TGFBRAP1: variants seen among roughly 807,000 people sequenced by gnomAD.
TGFBRAP1 encodes the protein transforming growth factor-beta receptor-associated protein 1.
A neutral mutation model predicts 83.2 loss-of-function variants in TGFBRAP1; 20 were observed. The ratio of observed to expected loss-of-function variants is 0.24; its 90% CI spans 0.17 to 0.35. The LOEUF (loss-of-function observed/expected upper bound fraction) is 0.35, where lower values mean the gene tolerates loss of function less well. Ranked by LOEUF, TGFBRAP1 falls within the 10% of genes least tolerant of loss-of-function variation. TGFBRAP1 has a pLI of 1.00. For synonymous variants in TGFBRAP1, 415 were observed against 459.8 expected, an observed-to-expected ratio of 0.90 and a Z score of 1.25; for missense variants, 950 against 1,099.4, an observed-to-expected ratio of 0.86 and a Z score of 1.92.
At chr2:105,276,395 A>C (rs1021953725) in intron 7 of TGFBRAP1, among the ~76,000 whole-genome samples, 1 of 151,978 alleles carries the variant, frequency 6.6e-6, no homozygotes, top group Non-Finnish European at 1.5e-5. Flanking sequence ...TGCCTCACCC[A>C]CCCATACACA....
rs1252616604 is a variant in TGFBRAP1, at chr2:105,264,794, A to G, written c.*2589T>C. On this transcript the variant is annotated 3_prime_UTR_variant, in exon 12 of 12. Coordinates refer to ENST00000393359, the MANE Select transcript of TGFBRAP1 (RefSeq NM_004257.6). ...TAAACAGTTCCAAAAACCAAATGGT[A>G]TTGCCCATAGAATATGAATGTAAAC... The G allele has an allele frequency of 6.6e-6, 1 of 152,244 alleles. No homozygotes were observed. The highest frequency in any genetic ancestry group is 2.4e-5 in the African/African-American group (1 of 41,476). 9.4% of individuals were successfully genotyped at this position (152,244 alleles called of 1,614,324 possible). A position where few individuals can be genotyped will look rare whatever the true frequency, so the allele number is the denominator to read the frequency against.
In TGFBRAP1 at chr2:105,280,406, G is replaced by A. The variant is rs1403090199; in HGVS notation, c.1439C>T (p.Ala480Val). Reference protein sequence around the residue: ...TENFCLLTDSAAWLEKHKKYF... With the variant: ...TENFCLLTDSVAWLEKHKKYF... The stretch of plus-strand genomic sequence containing the variant: ...CTTTTTGTGCTTCTCTAGCCAGGCA[G>A]CACTGTCCGTCAGAAGACAGAAGTT... Residue 480 changes from alanine (A) to valine (V), a missense_variant, in exon 6 of 12, where the codon GCT becomes GTT. Physicochemically the swap from Ala to Val is moderately conservative, Grantham distance 64 (BLOSUM62 0). Transcript: ENST00000393359. 1.6e-5 allele frequency: 26 copies of A among 1,613,868 alleles called. No homozygotes were observed. The highest frequency in any genetic ancestry group is 2.1e-5 in the Non-Finnish European group (25 of 1,179,996).
At chr2:105,318,514 C>T (rs748954707) in intron 1 of TGFBRAP1, among the ~76,000 whole-genome samples, 2 of 152,176 alleles carry the variant, frequency 1.3e-5, no homozygotes, top group Non-Finnish European at 2.9e-5. Context: ...CCCAAACCAG[C>T]TTACCCTGGA....
chr2:105,311,018 G>A (rs192057661), intron 1 of TGFBRAP1, among the ~76,000 whole-genome samples: 127 of 151,988 alleles, frequency 8.4e-4, no homozygotes, highest in Non-Finnish European at 1.5e-3. Flanking sequence ...TCCAGCCCCT[G>A]TCTTCAGTTA....
At chr2:105,316,460 TGTGCGCGCGCGCGC>T (rs1185808893) in intron 1 of TGFBRAP1, among the ~76,000 whole-genome samples, 1 of 66,932 alleles carries the variant, frequency 1.5e-5, no homozygotes, top group Non-Finnish European at 3.0e-5. Context: ...TGTGTGTGTG[TGTGCGCGCGCGCGC>T]GCGCGCACGC....
intron 2 of TGFBRAP1, among the ~76,000 whole-genome samples, chr2:105,301,445 G>A (rs1678286842): frequency 6.6e-6 from 1 of 151,818 alleles, no homozygotes; most frequent in Non-Finnish European, 1.5e-5. Flanking sequence ...AAATTAGCCA[G>A]GAATGATGGC....
intron 1 of TGFBRAP1, among the ~76,000 whole-genome samples, chr2:105,316,413 T>G (rs1206542295): frequency 7.4e-6 from 1 of 134,968 alleles, no homozygotes. Context: ...CTCTTACAGG[T>G]ATAGGGAGTG....
At chr2:105,250,485 C>A in the TGFBRAP1 span, among the ~76,000 whole-genome samples, 2 of 152,078 alleles carry the variant, frequency 1.3e-5, no homozygotes, top group Non-Finnish European at 2.9e-5. Context: ...TATTCATGGT[C>A]CTTTGGAGGA....
rs370211705 is a variant in TGFBRAP1 at position 105,269,683 on chromosome 2, C to G, written c.1995G>C (p.Leu665=). ...CGTGCAGGATGGCGCTCTCCATGGG[C>G]AGGCCAGCTCCCTGCAGCCTCTCTG... ...FLLERLQGAG[L]PMESAILHGK... is the part of the protein sequence containing the mutation. The change falls in exon 11 of 12, where the codon CTG becomes CTC. Residue 665 remains leucine, a synonymous_variant. Coordinates refer to ENST00000393359, the MANE Select transcript of TGFBRAP1 (RefSeq NM_004257.6). The surrounding 1 kb of genome is among the most constrained non-coding windows in gnomAD (Gnocchi z 4.1). The G allele has an allele frequency of 1.5e-5, 23 of 1,552,518 alleles. No individual in the cohort carries two copies. In the African/African-American group the frequency reaches 3.0e-4, roughly 20 times the overall value.
At chr2:105,276,754 G>A (rs552876338) in intron 7 of TGFBRAP1, among the ~76,000 whole-genome samples, 5 of 152,308 alleles carry the variant, frequency 3.3e-5, no homozygotes, top group Admixed American at 6.5e-5. Flanking sequence ...CATTGGGTAC[G>A]TGTTAATTCA....
rs1676968977 is a variant in TGFBRAP1 at position 105,267,170 on chromosome 2, CCATGTACATTCATAGAGCCTGGTCAT to C, written c.*187_*212del. ...TGTTTTGGGGATTTTTAGGGGTTTT[CCATGTACATTCATAGAGCCTGGTCAT>C]TCCATGTACATTCATAGAGCCTGGT... On this transcript the variant is annotated 3_prime_UTR_variant, in exon 12 of 12. Transcript: ENST00000393359. 13 of 31,278 alleles carry C rather than the reference CCATGTACATTCATAGAGCCTGGTCAT, an allele frequency of 4.2e-4. No homozygotes were observed. The South Asian group carries it at 7.3e-3, about 18-fold the overall frequency. The allele number at this position is 31,278 out of a possible 1,614,324, so 1.9% of individuals were successfully genotyped here.
chr2:105,289,270 G>C (rs1677823555), intron 4 of TGFBRAP1, among the ~76,000 whole-genome samples: 1 of 152,090 alleles, frequency 6.6e-6, no homozygotes, highest in Non-Finnish European at 1.5e-5. Flanking sequence ...TGGTGACTTA[G>C]AGAGAAAAAT....
intron 4 of TGFBRAP1, among the ~76,000 whole-genome samples, chr2:105,290,955 C>G (rs375127972): frequency 6.6e-6 from 1 of 151,894 alleles, no homozygotes; most frequent in Non-Finnish European, 1.5e-5. Flanking sequence ...GCAGTGATTG[C>G]GAGATTGCGC....
chr2:105,263,366 T>C (rs1372723539), downstream of TGFBRAP1, among the ~76,000 whole-genome samples: 1 of 152,254 alleles, frequency 6.6e-6, no homozygotes, highest in Non-Finnish European at 1.5e-5. Context: ...CTGGGCTGTG[T>C]TCTGGTTATC....
At chr2:105,260,755 T>C (rs1048834473), downstream of TGFBRAP1, among the ~76,000 whole-genome samples, 1 of 152,220 alleles carries the variant, frequency 6.6e-6, no homozygotes, top group African/African-American at 2.4e-5. Flanking sequence ...CTTAATGTTA[T>C]GTATATTTTA....
At chr2:105,288,636 T>C (rs1276191765) in intron 4 of TGFBRAP1, among the ~76,000 whole-genome samples, 1 of 152,200 alleles carries the variant, frequency 6.6e-6, no homozygotes, top group African/African-American at 2.4e-5. Flanking sequence ...TAAACAAAAA[T>C]TGGCATGAGT....
At chr2:105,295,028 C>G (rs77543735) in intron 4 of TGFBRAP1, among the ~76,000 whole-genome samples, 5,131 of 152,286 alleles carry the variant, frequency 0.034, 291 homozygotes, top group African/African-American at 0.12. Context: ...TCTGCACCCT[C>G]CCCTCCAGGG....
chr2:105,284,234 C>A (rs2104344655), intron 5 of TGFBRAP1, 82 bp downstream of exon 5: 2 of 1,341,058 alleles, frequency 1.5e-6, no homozygotes, highest in Non-Finnish European at 2.1e-6. Flanking sequence ...ACACATCCCA[C>A]CGCGACGTCA....
downstream of TGFBRAP1, among the ~76,000 whole-genome samples, chr2:105,261,775 C>T (rs543654624): frequency 2.0e-5 from 3 of 151,998 alleles, no homozygotes; most frequent in South Asian, 6.2e-4. Context: ...ACAGGCAAGG[C>T]AAGGCAAGGC....
Sources: gnomAD v4.1 joint callset for allele counts (sites outside exome capture counted in the v4.1 genomes callset) on GRCh38, gnomAD v4.1.1 for gene constraint, Gnocchi (gnomAD v3.1) non-coding constraint, MANE v1.5 for transcripts, NCBI Gene and HGNC (gene_info 2026-07-23, HGNC 2026-07-21) for gene names.